FUT8: variants seen among roughly 807,000 people sequenced by gnomAD.
The protein encoded by FUT8 is alpha-(1,6)-fucosyltransferase.
In FUT8, 29 loss-of-function variants were observed where a neutral mutation model predicts 71.3. The observed-to-expected ratio is 0.41, with a 90% confidence interval of 0.30 to 0.55. FUT8 has a LOEUF of 0.55. Ranked by LOEUF, FUT8 falls within the 20% of genes least tolerant of loss-of-function variation. The probability of loss-of-function intolerance (pLI) is 0.34; values close to 1 mark genes in which losing one functional copy is unlikely to be tolerated. For missense variants in FUT8, 544 were observed against 702.1 expected (o/e 0.77, Z 2.55); for synonymous variants, 254 against 239.3 (o/e 1.06, Z -0.57).
chr14:65,676,235 A>G (rs1266802201), intron 7 of FUT8, among the ~76,000 whole-genome samples: 1 of 152,234 alleles, frequency 6.6e-6, no homozygotes, highest in Non-Finnish European at 1.5e-5. Flanking sequence ...TGACTTAGGA[A>G]AAAGCAATAC....
At chr14:65,512,219 G>A (rs1259792258) in intron 2 of FUT8, among the ~76,000 whole-genome samples, 3 of 152,082 alleles carry the variant, frequency 2.0e-5, no homozygotes, top group Non-Finnish European at 2.9e-5. Flanking sequence ...GGTGGAGTGC[G>A]GTGGCGCGAT....
intron 2 of FUT8, among the ~76,000 whole-genome samples, chr14:65,559,271 A>G (rs1885773828): frequency 6.6e-6 from 1 of 152,144 alleles, no homozygotes; most frequent in South Asian, 2.1e-4. Context: ...TCTGATATAT[A>G]GTTTACCCTC....
At chr14:65,650,707 C>A (rs1236510131) in intron 6 of FUT8, among the ~76,000 whole-genome samples, 163 of 118,898 alleles carry the variant, frequency 1.4e-3, no homozygotes, top group African/African-American at 4.0e-3. Flanking sequence ...CTGCTAATTA[C>A]AAAAAAAAAA....
the FUT8 span, among the ~76,000 whole-genome samples, chr14:65,384,790 C>T: frequency 5.3e-5 from 8 of 152,164 alleles, no homozygotes; most frequent in East Asian, 1.3e-3. This position sits in a 1 kb window ranked among gnomAD's most constrained non-coding sequence, Gnocchi z 4.2. Flanking sequence ...ATTGTCCTCA[C>T]ATTTTAAAAT....
chr14:65,436,900 A>G (rs376747793), intron 1 of FUT8, among the ~76,000 whole-genome samples: 14 of 152,340 alleles, frequency 9.2e-5, no homozygotes, highest in African/African-American at 2.6e-4. Context: ...GCATTTTTCA[A>G]TGTTTCTCTG....
chr14:65,428,261 G>C (rs1041503960), intron 1 of FUT8, among the ~76,000 whole-genome samples: 3 of 152,098 alleles, frequency 2.0e-5, no homozygotes, highest in Non-Finnish European at 4.4e-5. Flanking sequence ...AAAAAAATGA[G>C]GCTTATGTCA....
chr14:65,508,336 C>T (rs566764631), intron 2 of FUT8, among the ~76,000 whole-genome samples: 45 of 151,894 alleles, frequency 3.0e-4, no homozygotes, highest in South Asian at 6.2e-4. Context: ...TCCCAAAGTG[C>T]TAGGATTACA....
chr14:65,421,574 C>T (rs1030583418), intron 1 of FUT8, among the ~76,000 whole-genome samples: 4 of 152,154 alleles, frequency 2.6e-5, no homozygotes, highest in African/African-American at 9.7e-5. Context: ...AACAATCAGA[C>T]AGTCTTCTGC....
chr14:65,503,766 A>C (rs2066683140), intron 2 of FUT8, among the ~76,000 whole-genome samples: 1 of 152,184 alleles, frequency 6.6e-6, no homozygotes, highest in Non-Finnish European at 1.5e-5. Flanking sequence ...TTCAGGCTAC[A>C]ACTAGACAGA....
chr14:65,417,808 A>G (rs1004954969), intron 1 of FUT8, among the ~76,000 whole-genome samples: 1 of 152,214 alleles, frequency 6.6e-6, no homozygotes, highest in African/African-American at 2.4e-5. Flanking sequence ...TAGTTATACT[A>G]TAACTTCTTC....
At chr14:65,488,942 A>T (rs1231886152) in intron 2 of FUT8, among the ~76,000 whole-genome samples, 1 of 152,004 alleles carries the variant, frequency 6.6e-6, no homozygotes, top group African/African-American at 2.4e-5. Context: ...GAAAAAAAAC[A>T]ACCTGAAGAA....
the FUT8 span, among the ~76,000 whole-genome samples, chr14:65,362,121 G>T: frequency 6.6e-6 from 1 of 152,086 alleles, no homozygotes; most frequent in Non-Finnish European, 1.5e-5. Flanking sequence ...CAGCTAGTTG[G>T]GTTGCATGTT....
At chr14:65,374,534 C>A in the FUT8 span, among the ~76,000 whole-genome samples, 1 of 152,104 alleles carries the variant, frequency 6.6e-6, no homozygotes, top group African/African-American at 2.4e-5. Context: ...CCTCAAGTTC[C>A]CCAAAGACAG....
chr14:65,715,739 A>G (rs1211016258), intron 7 of FUT8, among the ~76,000 whole-genome samples: 1 of 152,056 alleles, frequency 6.6e-6, no homozygotes, highest in African/African-American at 2.4e-5. Flanking sequence ...GGAACATATT[A>G]TTTAATTTCC....
rs1246402076 is a variant in FUT8, at chr14:65,496,036, AG to A, written c.-228+40319del. Reference sequence around the variant, plus strand: ...AATCAGATTTTAGAAAAATTTAAGTAGAAAAAAATCACGTTAAATAGATAAC... The same window carrying A: ...AATCAGATTTTAGAAAAATTTAAGTAAAAAAAATCACGTTAAATAGATAAC... On this transcript the variant is annotated intron_variant, in intron 2 of 10. Transcript: ENST00000673929. 2.0e-5 allele frequency among the ~76,000 whole-genome samples: 3 copies of A among 152,328 alleles called. No homozygotes were observed. In the East Asian group the frequency reaches 5.8e-4, roughly 29 times the overall value.
Position 65,669,829 on chromosome 14 carries a change from C to T in FUT8, c.835+349C>T, listed in dbSNP as rs1220905323. Among the ~76,000 whole-genome samples, 2 of 151,856 alleles carry T rather than the reference C, an allele frequency of 1.3e-5. No individual in the cohort carries two copies. The highest frequency in any genetic ancestry group is 4.8e-5 in the African/African-American group (2 of 41,320). On this transcript the variant is annotated intron_variant, in intron 7 of 10. Coordinates refer to ENST00000673929, the MANE Select transcript of FUT8 (RefSeq NM_001371533.1). This position sits in a 1 kb window ranked among gnomAD's most constrained non-coding sequence, Gnocchi z 4.5. ...GAAGTAATCATCATATAAAGTAGTCCAGTTTATATGGACTACTATATATGA... is the reference window on the plus strand; with the variant it reads ...GAAGTAATCATCATATAAAGTAGTCTAGTTTATATGGACTACTATATATGA...
rs1287550278 is a variant in FUT8, at chr14:65,418,051, A to G, written c.-326+4837A>G. On this transcript the variant is annotated intron_variant, in intron 1 of 10. Transcript: ENST00000673929. ...TTAGATGAAAATGGAAAATTAAGCT[A>G]ATGTTTATTTTAGAACCTGAGTAAT... is the stretch of plus-strand genomic sequence containing the variant. Among the ~76,000 whole-genome samples the G allele has an allele frequency of 3.3e-5, 5 of 152,314 alleles. No homozygotes were observed. In the East Asian group the frequency reaches 7.7e-4, roughly 23 times the overall value.
intron 9 of FUT8, among the ~76,000 whole-genome samples, chr14:65,730,212 T>C (rs1212109878): frequency 6.6e-6 from 1 of 152,212 alleles, no homozygotes; most frequent in Non-Finnish European, 1.5e-5. Context: ...ATGTATAGTG[T>C]TCACACAGTC....
At chr14:65,518,674 G>A (rs894211270) in intron 2 of FUT8, among the ~76,000 whole-genome samples, 3 of 152,016 alleles carry the variant, frequency 2.0e-5, no homozygotes, top group African/African-American at 7.2e-5. Flanking sequence ...ACAGGTGTGC[G>A]CCACCATGCC....
Sources: allele counts gnomAD v4.1 joint callset (sites outside exome capture counted in the v4.1 genomes callset), GRCh38; gene constraint gnomAD v4.1.1; non-coding constraint Gnocchi (gnomAD v3.1); transcripts MANE v1.5; gene names NCBI Gene and HGNC (gene_info 2026-07-23, HGNC 2026-07-21).